LPP: variants seen among roughly 807,000 people sequenced by gnomAD.
LPP encodes the protein lipoma-preferred partner.
A neutral mutation model predicts 60.4 loss-of-function variants in LPP; 38 were observed. The ratio of observed to expected loss-of-function variants is 0.63; its 90% CI spans 0.49 to 0.83. The LOEUF is 0.83. LPP is among the 40% of genes least tolerant of loss of function. LPP has a pLI of 0.00. For missense variants in LPP, 902 were observed against 783.6 expected (o/e 1.15, Z -1.80); for synonymous variants, 328 against 290.8 (o/e 1.13, Z -1.30).
chr3:188,550,757 T>A (rs1436725212), intron 6 of LPP, among the ~76,000 whole-genome samples: 1 of 152,108 alleles, frequency 6.6e-6, no homozygotes, highest in Non-Finnish European at 1.5e-5. Flanking sequence ...TTAGAGGTGA[T>A]ACGACACATA....
At chr3:188,458,993 A>T (rs1314148118) in intron 4 of LPP, among the ~76,000 whole-genome samples, 1 of 152,090 alleles carries the variant, frequency 6.6e-6, no homozygotes, top group Admixed American at 6.6e-5. Context: ...CTGATCTACT[A>T]TAGTTAACAA....
chr3:188,643,428 C>T (rs1439083125), intron 7 of LPP, among the ~76,000 whole-genome samples: 1 of 152,132 alleles, frequency 6.6e-6, no homozygotes, highest in Non-Finnish European at 1.5e-5. Flanking sequence ...GGAATACTGT[C>T]TCACCACTGA....
intron 4 of LPP, among the ~76,000 whole-genome samples, chr3:188,455,149 G>T (rs1797445294): frequency 1.3e-5 from 2 of 152,124 alleles, no homozygotes; most frequent in Admixed American, 1.3e-4. Flanking sequence ...GTGCTATTTT[G>T]TCAAGTTGCA....
intron 8 of LPP, among the ~76,000 whole-genome samples, chr3:188,735,341 G>A (rs913748424): frequency 1.3e-5 from 2 of 151,804 alleles, no homozygotes; most frequent in Non-Finnish European, 2.9e-5. Flanking sequence ...AATTCTTACT[G>A]TATGTAGTGT....
Position 188,229,010 on chromosome 3 carries a change from C to T in LPP, c.-67+3483C>T, listed in dbSNP as rs149750730. Among the ~76,000 whole-genome samples the T allele has an allele frequency of 5.8e-3, 891 of 152,328 alleles. 10 individuals carry two copies. Among genetic ancestry groups the T allele is most frequent in the African/African-American group, 0.02 (845 of 41,584 alleles). On this transcript the variant is annotated intron_variant, in intron 2 of 11. Transcript: ENST00000617246. ...CATCGGGAACATTAGACATGCTCAG[C>T]GTATGCCCTTCCTGCCAACATTGTA...
intron 3 of LPP, among the ~76,000 whole-genome samples, chr3:188,404,321 C>G (rs1002737730): frequency 6.6e-6 from 1 of 152,128 alleles, no homozygotes. Context: ...CACAGCTTAC[C>G]GCAGCCTCAA....
chr3:188,846,975 C>T (rs1271555611), intron 9 of LPP, among the ~76,000 whole-genome samples: 1 of 152,086 alleles, frequency 6.6e-6, no homozygotes, highest in Non-Finnish European at 1.5e-5. Flanking sequence ...ACACATCTGC[C>T]CTGAGGTCAG....
intron 2 of LPP, among the ~76,000 whole-genome samples, chr3:188,241,590 A>G (rs1724865705): frequency 6.6e-6 from 1 of 152,296 alleles, no homozygotes; most frequent in African/African-American, 2.4e-5. Flanking sequence ...GTGTTATAAT[A>G]TACTTGAGTT....
intron 8 of LPP, among the ~76,000 whole-genome samples, chr3:188,728,222 C>T (rs1024105200): frequency 3.3e-5 from 5 of 152,084 alleles, no homozygotes; most frequent in Admixed American, 6.5e-5. Context: ...CCATACCCCA[C>T]GTGTGATGAG....
chr3:188,509,873 GTT>G (rs35389820), intron 5 of LPP, among the ~76,000 whole-genome samples: 1 of 111,040 alleles, frequency 9.0e-6, no homozygotes, highest in African/African-American at 3.6e-5. Context: ...TTTTTTTGTT[GTT>G]TTTTTTTTTT....
At chr3:188,639,048 G>T (rs1370916071) in intron 7 of LPP, among the ~76,000 whole-genome samples, 1 of 150,696 alleles carries the variant, frequency 6.6e-6, no homozygotes, top group African/African-American at 2.4e-5. Flanking sequence ...AAAAGAGCCC[G>T]CATCACCAAG....
At chr3:188,295,815 C>A (rs868646887) in intron 2 of LPP, among the ~76,000 whole-genome samples, 1 of 152,164 alleles carries the variant, frequency 6.6e-6, no homozygotes, top group Non-Finnish European at 1.5e-5. Flanking sequence ...ATATGAGCCC[C>A]GTGCCCAGCC....
chr3:188,677,060 C>T (rs181459923), intron 7 of LPP, among the ~76,000 whole-genome samples: 17 of 152,210 alleles, frequency 1.1e-4, no homozygotes, highest in Admixed American at 4.6e-4. Context: ...CGACTGTTGA[C>T]GACAATCATG....
chr3:188,376,144 G>A (rs988539352), intron 3 of LPP, among the ~76,000 whole-genome samples: 15 of 152,232 alleles, frequency 9.9e-5, no homozygotes, highest in African/African-American at 3.4e-4. Context: ...CAATGTTGGA[G>A]TAGGTGTGGT....
chr3:188,886,534 A>C lies in LPP; in HGVS notation c.*12055A>C. The C allele has an allele frequency of 5.1e-6, 1 of 197,274 alleles. No homozygotes were observed. Among genetic ancestry groups the C allele is most frequent in the East Asian group, 7.8e-5 (1 of 12,742 alleles). 12.2% of individuals were successfully genotyped at this position (197,274 alleles called of 1,614,324 possible). A position where few individuals can be genotyped will look rare whatever the true frequency, so the allele number is the denominator to read the frequency against. On this transcript the variant is annotated 3_prime_UTR_variant, in exon 12 of 12. Transcript: ENST00000617246. ...GTGTTGTCTCATCAGAGGGAATAAA[A>C]AGACAATGAGGTGGTAAATGTGAAA... is the stretch of plus-strand genomic sequence containing the variant.
At position 188,565,785 on chromosome 3, in the gene LPP, A is replaced by G. The variant is rs111647061; in HGVS notation, c.429+40998A>G. ...AACATTCAATATTTGATAACTTCAG[A>G]GAGACTTTGACTAAGCTTCAAGGTT... On this transcript the variant is annotated intron_variant, in intron 6 of 11. Coordinates refer to ENST00000617246, the MANE Select transcript of LPP (RefSeq NM_001375462.1). 3.3e-3 allele frequency among the ~76,000 whole-genome samples: 498 copies of G among 152,136 alleles called. 1 individual carries two copies. Among genetic ancestry groups the G allele is most frequent in the African/African-American group, 0.011 (475 of 41,540 alleles).
chr3:188,203,542 T>TATATAA (rs1432794077), intron 1 of LPP, among the ~76,000 whole-genome samples: 8 of 97,532 alleles, frequency 8.2e-5, no homozygotes, highest in Non-Finnish European at 1.5e-4. Context: ...TATTTAAATA[T>TATATAA]ATATATATTT....
chr3:188,285,563 A>C (rs1223803653), intron 2 of LPP, among the ~76,000 whole-genome samples: 2 of 152,068 alleles, frequency 1.3e-5, no homozygotes, highest in Non-Finnish European at 2.9e-5. Context: ...CATGCCAGCT[A>C]ATTAGAAAAG....
At position 188,866,261 on chromosome 3, in the gene LPP, C is replaced by G. The variant is rs770787602; in HGVS notation, c.1472C>G (p.Thr491Ser). The change falls in exon 10 of 12, where the codon ACC becomes AGC. Residue 491 changes from threonine (T) to serine (S), a missense_variant. Transcript: ENST00000617246. The part of the protein sequence containing the change: ...KPIMERILRA[T>S]GKAYHPHCFT... ...ATCATGGAGCGGATTCTCCGAGCCA[C>G]CGGGAAGGCCTATCATCCTCACTGT... 6.3e-7 allele frequency: 1 copy of G among 1,587,100 alleles called. No homozygotes were observed. The highest frequency in any genetic ancestry group is 2.3e-5 in the East Asian group (1 of 42,846).
Sources: gnomAD v4.1 joint callset for allele counts (sites outside exome capture counted in the v4.1 genomes callset) on GRCh38, gnomAD v4.1.1 for gene constraint, MANE v1.5 for transcripts, NCBI Gene and HGNC (gene_info 2026-07-23, HGNC 2026-07-21) for gene names.